APCDD1L: variants seen among roughly 807,000 people sequenced by gnomAD.
APCDD1L encodes protein APCDD1-like.
In APCDD1L, 21 loss-of-function variants were observed where a neutral mutation model predicts 24.2. The observed-to-expected ratio is 0.87, with a 90% CI of 0.61 to 1.25. The LOEUF (loss-of-function observed/expected upper bound fraction) is 1.25. Ranked by LOEUF, APCDD1L falls within the 50% of genes most tolerant of loss-of-function variation. The pLI is 0.00. For missense variants in APCDD1L, 704 were observed against 711.7 expected, an observed-to-expected ratio of 0.99 and a Z score of 0.12; for synonymous variants, 321 against 323.6, an observed-to-expected ratio of 0.99 and a Z score of 0.09.
chr20:58,493,057 TCA>T (rs1225470087), intron 1 of APCDD1L, among the ~76,000 whole-genome samples: 1 of 131,182 alleles, frequency 7.6e-6, no homozygotes, highest in East Asian at 2.2e-4. Flanking sequence ...ACACATGCAC[TCA>T]CACACAATGC....
In APCDD1L at chr20:58,515,306, C is replaced by T; in HGVS notation, c.-599G>A. 3.9e-6 allele frequency: 1 copy of T among 255,684 alleles called. No individual in the cohort carries two copies. The highest frequency in any genetic ancestry group is 7.3e-6 in the Non-Finnish European group (1 of 136,110). The allele number at this position is 255,684 out of a possible 1,614,324, so 15.8% of individuals were successfully genotyped here. A position where few individuals can be genotyped will look rare whatever the true frequency, so the allele number is the denominator to read the frequency against. ...AACCCAGAAGCGCAGTGAAAGTGGC[C>T]AACCCGGTCGCCTAGAAGCCAGCCC... On this transcript the variant is annotated 5_prime_UTR_variant, in exon 1 of 4. Coordinates refer to ENST00000371149, the MANE Select transcript of APCDD1L (RefSeq NM_153360.3).
In APCDD1L at chr20:58,494,032, G is replaced by A. The variant is rs982728980; in HGVS notation, c.49+20627C>T. Among the ~76,000 whole-genome samples, 1 of 152,130 alleles carries A rather than the reference G, an allele frequency of 6.6e-6. No individual in the cohort carries two copies. Among genetic ancestry groups the A allele is most frequent in the Non-Finnish European group, 1.5e-5 (1 of 68,022 alleles). On this transcript the variant is annotated intron_variant, in intron 1 of 3. Coordinates refer to ENST00000371149, the MANE Select transcript of APCDD1L (RefSeq NM_153360.3). This position sits in a 1 kb window ranked among gnomAD's most constrained non-coding sequence, Gnocchi z 4.8. ...TTACAATAAAGTGAGCTAGAGAAAAGGTTATTGACAAAATCATAAGGAAGA... is the reference window on the plus strand; with the variant it reads ...TTACAATAAAGTGAGCTAGAGAAAAAGTTATTGACAAAATCATAAGGAAGA...
intron 1 of APCDD1L, among the ~76,000 whole-genome samples, chr20:58,474,431 C>T (rs554261677): frequency 9.2e-5 from 14 of 152,292 alleles, no homozygotes; most frequent in East Asian, 5.8e-4. Flanking sequence ...TGGCTGGGCA[C>T]GGTGGCTCAC....
rs1459322536 is a variant in APCDD1L at position 58,459,801 on chromosome 20, C to G, written c.*989G>C. 1 of 152,728 alleles carries G rather than the reference C, an allele frequency of 6.5e-6. No individual in the cohort carries two copies. The highest frequency in any genetic ancestry group is 1.5e-5 in the Non-Finnish European group (1 of 68,094). The allele number at this position is 152,728 out of a possible 1,614,324, so 9.5% of individuals were successfully genotyped here. A position where few individuals can be genotyped will look rare whatever the true frequency, so the allele number is the denominator to read the frequency against. On this transcript the variant is annotated 3_prime_UTR_variant, in exon 4 of 4. Coordinates refer to ENST00000371149, the MANE Select transcript of APCDD1L (RefSeq NM_153360.3). ...TCTCCCTAGGGTGGGCCCAAAGATA[C>G]ACATTCGGAGATTCTCTTCCTTTGT... is the stretch of plus-strand genomic sequence containing the variant.
At position 58,467,829 on chromosome 20, in the gene APCDD1L, G is replaced by A. The variant is rs1319324011; in HGVS notation, c.189-171C>T. On this transcript the variant is annotated intron_variant, in intron 2 of 3. Transcript: ENST00000371149. This position sits in a 1 kb window ranked among gnomAD's most constrained non-coding sequence, Gnocchi z 5.9. ...TCACTGCTCGCAGTCAGGCACCCTTGGGGCTGGGGCTTTGCACTGGATGCC... is the reference window on the plus strand; with the variant it reads ...TCACTGCTCGCAGTCAGGCACCCTTAGGGCTGGGGCTTTGCACTGGATGCC... Among the ~76,000 whole-genome samples the A allele has an allele frequency of 1.3e-5, 2 of 152,298 alleles. No individual in the cohort carries two copies. Among genetic ancestry groups the A allele is most frequent in the African/African-American group, 4.8e-5 (2 of 41,578 alleles).
intron 1 of APCDD1L, among the ~76,000 whole-genome samples, chr20:58,479,928 G>C (rs1989992774): frequency 6.6e-6 from 1 of 152,138 alleles, no homozygotes; most frequent in Non-Finnish European, 1.5e-5. Flanking sequence ...AGGCATGCAG[G>C]GTTTGCACCA....
chr20:58,496,328 CA>C (rs1416106853), intron 1 of APCDD1L, among the ~76,000 whole-genome samples: 4 of 152,240 alleles, frequency 2.6e-5, no homozygotes, highest in African/African-American at 9.6e-5. Context: ...GAGGCTGTAG[CA>C]GCCCCTCATG....
rs1243719133 is a variant in APCDD1L at position 58,474,519 on chromosome 20, C to A, written c.50-3772G>T. On this transcript the variant is annotated intron_variant, in intron 1 of 3. Coordinates refer to ENST00000371149, the MANE Select transcript of APCDD1L (RefSeq NM_153360.3). ...AGGAGCTTGTGACCAGCCTGGCCAA[C>A]ATGGTGAAACCCTGTTTATACTAAA... 3.3e-5 allele frequency among the ~76,000 whole-genome samples: 5 copies of A among 152,138 alleles called. No individual in the cohort carries two copies. The East Asian group carries it at 9.6e-4, about 29-fold the overall frequency.
At chr20:58,477,015 C>A (rs928544113) in intron 1 of APCDD1L, among the ~76,000 whole-genome samples, 2 of 152,228 alleles carry the variant, frequency 1.3e-5, no homozygotes, top group Non-Finnish European at 2.9e-5. Context: ...CATTTATTAT[C>A]TGCTTTCTTA....
chr20:58,463,626 A>G (rs1022599432), intron 3 of APCDD1L, among the ~76,000 whole-genome samples: 24 of 152,146 alleles, frequency 1.6e-4, no homozygotes, highest in Admixed American at 1.6e-3. Context: ...TGGCCTTGGA[A>G]CTTGTCAAAG....
chr20:58,492,171 G>A (rs918726826), intron 1 of APCDD1L, among the ~76,000 whole-genome samples: 4 of 152,210 alleles, frequency 2.6e-5, no homozygotes, highest in Admixed American at 6.5e-5. Flanking sequence ...CTTAAAATGC[G>A]CAAGTGCAGA....
At chr20:58,502,565 G>A (rs1227870138) in intron 1 of APCDD1L, among the ~76,000 whole-genome samples, 6 of 152,174 alleles carry the variant, frequency 3.9e-5, no homozygotes, top group African/African-American at 1.4e-4. Context: ...AATGCTTGTT[G>A]AAGAACTGAA....
At chr20:58,477,613 A>T (rs771855975) in intron 1 of APCDD1L, among the ~76,000 whole-genome samples, 13 of 152,222 alleles carry the variant, frequency 8.5e-5, no homozygotes, top group Non-Finnish European at 1.8e-4. Flanking sequence ...TCTCTCTGTG[A>T]TTAATGATTA....
chr20:58,515,365 T>A lies in APCDD1L; in HGVS notation c.-658A>T. The A allele has an allele frequency of 1.4e-5, 5 of 345,826 alleles. No homozygotes were observed. Among genetic ancestry groups the A allele is most frequent in the Non-Finnish European group, 2.6e-5 (5 of 193,472 alleles). 21.4% of individuals were successfully genotyped at this position (345,826 alleles called of 1,614,324 possible). A position where few individuals can be genotyped will look rare whatever the true frequency, so the allele number is the denominator to read the frequency against. On this transcript the variant is annotated 5_prime_UTR_variant, in exon 1 of 4. Transcript: ENST00000371149. The stretch of plus-strand genomic sequence containing the variant: ...GTCTGTAAATGAGGCCGTCACCCGC[T>A]CCCCACCACACCCAAACGCATCTAG...
intron 1 of APCDD1L, among the ~76,000 whole-genome samples, chr20:58,473,851 G>A (rs1989857958): frequency 6.6e-6 from 1 of 152,184 alleles, no homozygotes; most frequent in Admixed American, 6.5e-5. Context: ...TAAGAGCAGG[G>A]ACATTTGAAA....
At position 58,459,159 on chromosome 20, in the gene APCDD1L, G is replaced by T. The variant is rs1202667421; in HGVS notation, c.*1631C>A. On this transcript the variant is annotated 3_prime_UTR_variant, in exon 4 of 4. Coordinates refer to ENST00000371149, the MANE Select transcript of APCDD1L (RefSeq NM_153360.3). ...AAATTTGATGATAAATGGTGGCATG[G>T]TTACTTCAAGCTTCGGATACAAGAC... 1 of 152,180 alleles carries T rather than the reference G, an allele frequency of 6.6e-6. No homozygotes were observed. The highest frequency in any genetic ancestry group is 1.5e-5 in the Non-Finnish European group (1 of 68,040). 9.4% of individuals were successfully genotyped at this position (152,180 alleles called of 1,614,324 possible).
intron 1 of APCDD1L, among the ~76,000 whole-genome samples, chr20:58,495,545 G>A (rs575250555): frequency 1.1e-4 from 17 of 152,290 alleles, no homozygotes; most frequent in African/African-American, 2.9e-4. Context: ...CAGGGACCTC[G>A]ACTGCATCCT....
chr20:58,501,049 C>G (rs1311734849), intron 1 of APCDD1L, among the ~76,000 whole-genome samples: 1 of 152,206 alleles, frequency 6.6e-6, no homozygotes, highest in East Asian at 1.9e-4. Flanking sequence ...GGAACCCCTC[C>G]TTGAGGCTAA....
rs1018986959 is a variant in APCDD1L, at chr20:58,494,478, GTGCACCAC to G, written c.49+20173_49+20180del. ...CTCCTGAGTAGCTGGGATTACAGGT[GTGCACCAC>G]TGCCACACTCAGCTAATTTTTAATT... On this transcript the variant is annotated intron_variant, in intron 1 of 3. Transcript: ENST00000371149. The surrounding 1 kb of genome is among the most constrained non-coding windows in gnomAD (Gnocchi z 4.8). Among the ~76,000 whole-genome samples the G allele has an allele frequency of 6.6e-6, 1 of 151,066 alleles. No individual in the cohort carries two copies. The highest frequency in any genetic ancestry group is 1.5e-5 in the Non-Finnish European group (1 of 67,872).
Sources: gnomAD v4.1 joint callset for allele counts (sites outside exome capture counted in the v4.1 genomes callset) on GRCh38, gnomAD v4.1.1 for gene constraint, Gnocchi (gnomAD v3.1) non-coding constraint, MANE v1.5 for transcripts, NCBI Gene and HGNC (gene_info 2026-07-23, HGNC 2026-07-21) for gene names.